Variants in STRN observed in about 807,000 individuals in gnomAD.
STRN encodes the protein protein phosphatase 2 regulatory subunit B'''alpha.
In STRN, 53 loss-of-function variants were observed where a neutral mutation model predicts 96.3. The ratio of observed to expected loss-of-function variants is 0.55; its 90% CI spans 0.44 to 0.69. The LOEUF is 0.69. Among genes scored for constraint, STRN ranks in the 30% least tolerant of loss-of-function variants. The probability of loss-of-function intolerance (pLI) is 0.00; values close to 1 mark genes in which losing one functional copy is unlikely to be tolerated. For missense variants in STRN, 987 were observed against 963.9 expected, an observed-to-expected ratio of 1.02 and a Z score of -0.32; for synonymous variants, 428 against 355.9, an observed-to-expected ratio of 1.20 and a Z score of -2.28.
Position 36,851,056 on chromosome 2 carries a change from G to A in STRN, c.2030C>T (p.Pro677Leu), listed in dbSNP as rs929001271. 4 of 1,613,552 alleles carry A rather than the reference G, an allele frequency of 2.5e-6. No individual in the cohort carries two copies. The highest frequency in any genetic ancestry group is 1.3e-5 in the African/African-American group (1 of 74,824). Residue 677 changes from proline to leucine, a missense_variant, in exon 16 of 18, where the codon CCG becomes CTG. Transcript: ENST00000263918. ...GTCTTCATGAGCAGTGATGCTGATC[G>A]GAAGAGTAGGATGACTGATGACTCT... ...INRVISHPTL[P>L]ISITAHEDRH...
intron 10 of STRN, among the ~76,000 whole-genome samples, chr2:36,874,841 C>CAG (rs1348060271): frequency 6.6e-6 from 1 of 150,952 alleles, no homozygotes; most frequent in Admixed American, 6.6e-5. Flanking sequence ...TGGATACCAA[C>CAG]AGACCTTCAC....
chr2:36,932,608 T>C (rs1670603330), intron 1 of STRN, among the ~76,000 whole-genome samples: 1 of 152,190 alleles, frequency 6.6e-6, no homozygotes. Flanking sequence ...AAATTTCATT[T>C]TATGTTTTTT....
chr2:36,921,065 C>T (rs1558653692), intron 2 of STRN, among the ~76,000 whole-genome samples: 1 of 151,724 alleles, frequency 6.6e-6, no homozygotes, highest in African/African-American at 2.4e-5. Flanking sequence ...CAGAGCAAGG[C>T]TCTGTCTCAA....
At chr2:36,939,097 T>C (rs1033688780) in intron 1 of STRN, among the ~76,000 whole-genome samples, 1 of 152,090 alleles carries the variant, frequency 6.6e-6, no homozygotes, top group African/African-American at 2.4e-5. Context: ...GTGATTCTCC[T>C]GCCTCAGCCT....
intron 10 of STRN, among the ~76,000 whole-genome samples, chr2:36,873,182 A>T (rs1668810344): frequency 6.6e-6 from 1 of 152,364 alleles, no homozygotes; most frequent in South Asian, 2.1e-4. Flanking sequence ...GAATAAAGCG[A>T]TCCCAGATCC....
intron 3 of STRN, among the ~76,000 whole-genome samples, chr2:36,909,266 C>T (rs1669905299): frequency 6.6e-6 from 1 of 151,878 alleles, no homozygotes; most frequent in Admixed American, 6.6e-5. Context: ...GGTTAGTAAG[C>T]AGTCATTAAC....
At chr2:36,872,523 GATA>G (rs1164618596) in intron 10 of STRN, among the ~76,000 whole-genome samples, 10 of 152,284 alleles carry the variant, frequency 6.6e-5, no homozygotes, top group Admixed American at 1.3e-4. Context: ...AAACTATGAA[GATA>G]ATAAATGTTT....
chr2:36,900,216 T>C (rs1417962281), intron 5 of STRN, among the ~76,000 whole-genome samples: 1 of 152,134 alleles, frequency 6.6e-6, no homozygotes, highest in African/African-American at 2.4e-5. Context: ...TAATCTAATG[T>C]AAAAAACTCC....
chr2:36,883,933 T>C lies in STRN; in HGVS notation c.1185A>G (p.Glu395=). 1 of 1,370,972 alleles carries C rather than the reference T, an allele frequency of 7.3e-7. No individual in the cohort carries two copies. Among genetic ancestry groups the C allele is most frequent in the East Asian group, 2.7e-5 (1 of 37,014 alleles). 84.9% of individuals were successfully genotyped at this position (1,370,972 alleles called of 1,614,324 possible). Residue 395 remains glutamate (E), a splice_region_variant and synonymous_variant, in exon 9 of 18, where the codon GAA becomes GAG. Transcript: ENST00000263918. ...LPEHEINRAD[E]VEALTFPPSS... ...CTCCAGAGTATCTTAAATACTTACC[T>C]TCATCTGCCCTATTAATTTCATGTT...
At chr2:36,966,127 G>A (rs1293554365) in intron 1 of STRN, 103 bp downstream of exon 1, 23 of 1,303,860 alleles carry the variant, frequency 1.8e-5, no homozygotes, top group Non-Finnish European at 4.9e-6. Context: ...CAGCAAAGGG[G>A]GAGGGGACGC....
chr2:36,943,555 A>G (rs916914613), intron 1 of STRN, among the ~76,000 whole-genome samples: 6 of 152,180 alleles, frequency 3.9e-5, no homozygotes, highest in Non-Finnish European at 8.8e-5. Context: ...TTGTAATCCC[A>G]GCACTTCGGG....
At chr2:36,890,375 G>A (rs1307704820) in intron 7 of STRN, among the ~76,000 whole-genome samples, 1 of 151,696 alleles carries the variant, frequency 6.6e-6, no homozygotes, top group Non-Finnish European at 1.5e-5. Flanking sequence ...GAAGGTAATG[G>A]CAAATTTACA....
chr2:36,920,875 G>A (rs1235990399), intron 2 of STRN, among the ~76,000 whole-genome samples: 1 of 151,846 alleles, frequency 6.6e-6, no homozygotes, highest in Non-Finnish European at 1.5e-5. Context: ...AAGGGATCGA[G>A]ACCATCCTGG....
At chr2:36,927,151 C>A (rs1427622095) in intron 1 of STRN, among the ~76,000 whole-genome samples, 5 of 152,092 alleles carry the variant, frequency 3.3e-5, no homozygotes. Flanking sequence ...CTTCAGCCTA[C>A]AATACCATAA....
At chr2:36,957,744 CTTT>C (rs1159531782) in intron 1 of STRN, among the ~76,000 whole-genome samples, 144 of 89,132 alleles carry the variant, frequency 1.6e-3, no homozygotes, top group African/African-American at 6.2e-3. Flanking sequence ...TTCTTTTTGT[CTTT>C]TTTTTTTTTT....
At chr2:36,855,488 C>A in intron 14 of STRN, 136 bp from the exon 15 acceptor site, 1 of 803,494 alleles carries the variant, frequency 1.2e-6, no homozygotes, top group Non-Finnish European at 1.9e-6. Context: ...AGAATTAGCT[C>A]ATAACTATTC....
In STRN at chr2:36,847,230, T is replaced by C. The variant is rs1472245213; in HGVS notation, c.*2226A>G. On this transcript the variant is annotated 3_prime_UTR_variant, in exon 18 of 18. Coordinates refer to ENST00000263918, the MANE Select transcript of STRN (RefSeq NM_003162.4). Reference sequence around the variant, plus strand: ...CTCACTGACAGAAAAATTTCAACCATGAAGCATAAAATGAACGGGGGAAGA... The same window carrying C: ...CTCACTGACAGAAAAATTTCAACCACGAAGCATAAAATGAACGGGGGAAGA... The C allele has an allele frequency of 6.6e-6, 1 of 152,154 alleles. No homozygotes were observed. 9.4% of individuals were successfully genotyped at this position (152,154 alleles called of 1,614,324 possible).
At chr2:36,885,717 G>C (rs1166901161) in intron 8 of STRN, among the ~76,000 whole-genome samples, 2 of 152,136 alleles carry the variant, frequency 1.3e-5, no homozygotes, top group Admixed American at 6.5e-5. Flanking sequence ...TAACAGGAAT[G>C]ACTGGTCTTT....
intron 1 of STRN, among the ~76,000 whole-genome samples, chr2:36,960,106 A>G (rs1490425802): frequency 6.6e-6 from 1 of 152,250 alleles, no homozygotes; most frequent in Non-Finnish European, 1.5e-5. Flanking sequence ...AATGGAGTTC[A>G]CCTGCTCCAC....
Sources: allele counts gnomAD v4.1 joint callset (sites outside exome capture counted in the v4.1 genomes callset), GRCh38; gene constraint gnomAD v4.1.1; transcripts MANE v1.5; gene names NCBI Gene and HGNC (gene_info 2026-07-23, HGNC 2026-07-21).